The following SORCS1 variants were observed in gnomAD, a reference collection of about 807,000 sequenced individuals.
SORCS1 encodes VPS10 domain-containing receptor SorCS1.
SORCS1 carries 60 observed loss-of-function variants against 146.1 expected under a neutral mutation model. The observed-to-expected ratio is 0.41, with a 90% CI of 0.33 to 0.51. The LOEUF is 0.51. Among genes scored for constraint, SORCS1 ranks in the 20% least tolerant of loss-of-function variants. The pLI, the probability that SORCS1 is intolerant of heterozygous loss-of-function variation, is 0.21. For missense variants in SORCS1, 1,352 were observed against 1,487.6 expected (o/e 0.91, Z 1.50); for synonymous variants, 637 against 584.0 (o/e 1.09, Z -1.31).
At chr10:106,664,459 G>T (rs1850975596) in intron 17 of SORCS1, among the ~76,000 whole-genome samples, 1 of 152,092 alleles carries the variant, frequency 6.6e-6, no homozygotes, top group Non-Finnish European at 1.5e-5. Context: ...TGGCTACTAT[G>T]GTGAAACCCC....
At position 106,607,285 on chromosome 10, in the gene SORCS1, G is replaced by A. The variant is rs1159941975; in HGVS notation, c.3046C>T (p.Pro1016Ser). 6.2e-7 allele frequency: 1 copy of A among 1,613,996 alleles called. No homozygotes were observed. Among genetic ancestry groups the A allele is most frequent in the East Asian group, 2.2e-5 (1 of 44,858 alleles). The change falls in exon 23 of 26, where the codon CCA becomes TCA. Residue 1016 changes from proline to serine, a missense_variant. Transcript: ENST00000263054. ...KKSLVEATGV[P>S]GQHILVAVLP... ...ACCGCCACCAGGATGTGCTGGCCTG[G>A]AACCCCTGTGGCCTGAGGGACAGAC... is the stretch of plus-strand genomic sequence containing the variant.
In SORCS1 at chr10:107,164,188, C is replaced by T. The variant is rs749403360; in HGVS notation, c.339G>A (p.Ala113=). Reference sequence around the variant, plus strand: ...CTCCCCGTTCTGCCTTCTCCTGATCCGCTCCGCTCCGTCTCCTCCGGCCGG... The same window carrying T: ...CTCCCCGTTCTGCCTTCTCCTGATCTGCTCCGCTCCGTCTCCTCCGGCCGG... The part of the protein sequence containing the change: ...ARSGRRRRSG[A]DQEKAERGEG... Residue 113 remains alanine (A), a synonymous_variant, in exon 1 of 26, where the codon GCG becomes GCA. Transcript: ENST00000263054. The surrounding 1 kb of genome is among the most constrained non-coding windows in gnomAD (Gnocchi z 6.8). 6.2e-7 allele frequency: 1 copy of T among 1,611,484 alleles called. No homozygotes were observed. The highest frequency in any genetic ancestry group is 2.2e-5 in the East Asian group (1 of 44,846).
chr10:107,161,300 G>A (rs1396588451), intron 1 of SORCS1, among the ~76,000 whole-genome samples: 5 of 152,214 alleles, frequency 3.3e-5, no homozygotes, highest in African/African-American at 9.6e-5. Flanking sequence ...AAGGTGAGAA[G>A]GGTTCACAGG....
rs556600369 is a variant in SORCS1 at position 107,078,432 on chromosome 10, A to C, written c.558+85537T>G. 7.2e-5 allele frequency among the ~76,000 whole-genome samples: 11 copies of C among 152,356 alleles called. No individual in the cohort carries two copies. In the South Asian group the frequency reaches 2.1e-3, roughly 29 times the overall value. On this transcript the variant is annotated intron_variant, in intron 1 of 25. Coordinates refer to ENST00000263054, the MANE Select transcript of SORCS1 (RefSeq NM_052918.5). ...AAGGGACAGAAGCCTGTTTGTGGAC[A>C]CTCAATTATAGGATCGGGACTTTGC...
intron 2 of SORCS1, among the ~76,000 whole-genome samples, chr10:106,904,801 A>G (rs1951845945): frequency 6.6e-6 from 1 of 152,244 alleles, no homozygotes; most frequent in South Asian, 2.1e-4. Context: ...AAAGTTGGCA[A>G]TGAGGACTTC....
intron 5 of SORCS1, among the ~76,000 whole-genome samples, chr10:106,743,461 C>T (rs867897564): frequency 6.6e-6 from 1 of 152,048 alleles, no homozygotes; most frequent in Non-Finnish European, 1.5e-5. Context: ...ATTCTGCCAC[C>T]CAGGCTGGAG....
intron 5 of SORCS1, among the ~76,000 whole-genome samples, chr10:106,760,665 C>T (rs1276687109): frequency 6.6e-6 from 1 of 150,762 alleles, no homozygotes; most frequent in Non-Finnish European, 1.5e-5. Flanking sequence ...GTTACGGCAA[C>T]CCAAGCAAAG....
At chr10:106,816,585 C>A (rs185766394) in intron 3 of SORCS1, among the ~76,000 whole-genome samples, 2 of 152,282 alleles carry the variant, frequency 1.3e-5, no homozygotes, top group East Asian at 3.9e-4. Flanking sequence ...GATAATCCTA[C>A]AGGCAACTTC....
chr10:106,767,119 C>A (rs1859632551), intron 4 of SORCS1, among the ~76,000 whole-genome samples: 2 of 152,196 alleles, frequency 1.3e-5, no homozygotes, highest in Non-Finnish European at 2.9e-5. Flanking sequence ...CTGATGTAGA[C>A]TGGATCCAAA....
intron 1 of SORCS1, among the ~76,000 whole-genome samples, chr10:107,048,196 C>A (rs1318014709): frequency 1.3e-5 from 2 of 152,098 alleles, no homozygotes; most frequent in South Asian, 4.1e-4. Context: ...ATTTTAACAC[C>A]ATATTTTAGT....
chr10:106,900,566 A>G (rs1233633342), intron 2 of SORCS1, among the ~76,000 whole-genome samples: 1 of 152,132 alleles, frequency 6.6e-6, no homozygotes, highest in Non-Finnish European at 1.5e-5. Context: ...TGTGCTCTAC[A>G]CTGACTCCTA....
intron 1 of SORCS1, among the ~76,000 whole-genome samples, chr10:106,987,188 G>T (rs973083283): frequency 1.3e-5 from 2 of 152,126 alleles, no homozygotes; most frequent in African/African-American, 2.4e-5. Flanking sequence ...AGACTCTTTG[G>T]ATTTTCACTT....
rs201535592 is a variant in SORCS1 at position 106,743,895 on chromosome 10, T to C, written c.960-13781A>G. On this transcript the variant is annotated intron_variant, in intron 5 of 25. Transcript: ENST00000263054. ...ATCTAGAATTAACCACCTTTAATAT[T>C]TTGCTGTTAATCCTTCAGTACTTTT... Among the ~76,000 whole-genome samples the C allele has an allele frequency of 5.9e-5, 9 of 152,276 alleles. No homozygotes were observed. The East Asian group carries it at 1.7e-3, about 29-fold the overall frequency.
At chr10:106,862,720 C>T (rs966668596) in intron 2 of SORCS1, among the ~76,000 whole-genome samples, 7 of 125,614 alleles carry the variant, frequency 5.6e-5, no homozygotes, top group Non-Finnish European at 7.8e-5. Flanking sequence ...CCGAGACAGG[C>T]GGATCATGAG....
At chr10:106,718,475 G>T (rs1855540596) in intron 6 of SORCS1, among the ~76,000 whole-genome samples, 2 of 152,292 alleles carry the variant, frequency 1.3e-5, no homozygotes, top group South Asian at 4.1e-4. Context: ...CTTCCTTCTG[G>T]TGGGTTCGTG....
chr10:106,850,968 C>T (rs1468256057), intron 2 of SORCS1, among the ~76,000 whole-genome samples: 1 of 152,114 alleles, frequency 6.6e-6, no homozygotes, highest in African/African-American at 2.4e-5. Flanking sequence ...ATTTTTGTTC[C>T]TGTCCCTCAT....
intron 2 of SORCS1, among the ~76,000 whole-genome samples, chr10:106,868,757 A>C (rs972401673): frequency 6.6e-6 from 1 of 152,224 alleles, no homozygotes; most frequent in African/African-American, 2.4e-5. Flanking sequence ...AAGATCTCAA[A>C]TTAACAATCT....
intron 1 of SORCS1, among the ~76,000 whole-genome samples, chr10:107,004,171 A>G (rs1957341405): frequency 1.8e-5 from 2 of 113,342 alleles, no homozygotes; most frequent in African/African-American, 4.1e-5. Flanking sequence ...GTGTGATCCC[A>G]TCTCAAAAAA....
intron 19 of SORCS1, among the ~76,000 whole-genome samples, chr10:106,625,494 G>A (rs1848049002): frequency 6.6e-6 from 1 of 152,128 alleles, no homozygotes; most frequent in Admixed American, 6.5e-5. Flanking sequence ...TCCTAATTCA[G>A]TGGGTCTGGG....
Sources: allele counts gnomAD v4.1 joint callset (sites outside exome capture counted in the v4.1 genomes callset), GRCh38; gene constraint gnomAD v4.1.1; non-coding constraint Gnocchi (gnomAD v3.1); transcripts MANE v1.5; gene names NCBI Gene and HGNC (gene_info 2026-07-23, HGNC 2026-07-21).